CCDC9: variants seen among roughly 807,000 people sequenced by gnomAD.
The protein encoded by CCDC9 is coiled-coil domain containing 9.
In CCDC9, 52 loss-of-function variants were observed where a neutral mutation model predicts 65.6. The ratio of observed to expected loss-of-function variants is 0.79; its 90% CI spans 0.63 to 1.00. The LOEUF (loss-of-function observed/expected upper bound fraction) is 1.00. Ranked by LOEUF, CCDC9 falls within the 50% of genes least tolerant of loss-of-function variation. The pLI, the probability that CCDC9 is intolerant of heterozygous loss-of-function variation, is 0.00. For synonymous variants in CCDC9, 332 were observed against 280.3 expected (o/e 1.18, Z -1.84); for missense variants, 834 against 757.2 (o/e 1.10, Z -1.19).
intron 5 of CCDC9, among the ~76,000 whole-genome samples, chr19:47,263,266 A>G: frequency 6.6e-6 from 1 of 152,134 alleles, no homozygotes; most frequent in East Asian, 1.9e-4. Context: ...GCACCCTGAC[A>G]CTGAACTCGC....
downstream of CCDC9, chr19:47,273,816 A>T: frequency 3.5e-6 from 1 of 287,668 alleles, no homozygotes; most frequent in Non-Finnish European, 5.7e-6. Flanking sequence ...CTGTCGTATT[A>T]AACGCAGTGC....
Position 47,271,538 on chromosome 19 carries a change from C to G in CCDC9, c.1456C>G (p.Pro486Ala). 5.6e-6 allele frequency: 9 copies of G among 1,613,206 alleles called. No homozygotes were observed. Among genetic ancestry groups the G allele is most frequent in the Non-Finnish European group, 7.6e-6 (9 of 1,179,924 alleles). The change falls in exon 12 of 12, where the codon CCT (proline) becomes GCT (alanine). Residue 486 changes from proline (P) to alanine (A), a missense_variant. Transcript: ENST00000221922. Reference sequence around the variant, plus strand: ...GCTGGAGCCCCAGGCCCCTGGCACGCCTTCCAGCCCTTTCTCACCACCCAG... The same window carrying G: ...GCTGGAGCCCCAGGCCCCTGGCACGGCTTCCAGCCCTTTCTCACCACCCAG... ...PLLEPQAPGT[P>A]SSPFSPPSGH...
rs1185419970 is a variant in CCDC9, at chr19:47,264,596, C to A, written c.463-7C>A. On this transcript the variant is annotated splice_polypyrimidine_tract_variant and splice_region_variant and intron_variant, in intron 5 of 11. Coordinates refer to ENST00000221922, the MANE Select transcript of CCDC9 (RefSeq NM_015603.3). ...GAAGCTGGGTGTCCCTATCTTTATCCCCCCAGGAGTGGGAGGAGCGGCGCA... is the reference window on the plus strand; with the variant it reads ...GAAGCTGGGTGTCCCTATCTTTATCACCCCAGGAGTGGGAGGAGCGGCGCA... 1.3e-6 allele frequency: 2 copies of A among 1,588,050 alleles called. No homozygotes were observed. The highest frequency in any genetic ancestry group is 2.3e-5 in the East Asian group (1 of 43,550).
At position 47,264,680 on chromosome 19, in the gene CCDC9, C is replaced by T. The variant is rs763027219; in HGVS notation, c.540C>T (p.Asn180=). The change falls in exon 6 of 12, where the codon AAC becomes AAT. Residue 180 remains asparagine (N), a synonymous_variant. Coordinates refer to ENST00000221922, the MANE Select transcript of CCDC9 (RefSeq NM_015603.3). ...AGAAGATCGCCGAGTATGAGCGCAA[C>T]CAGCGGGTCAGTGGTGCGGGTGTCC... is the stretch of plus-strand genomic sequence containing the variant. ...EMEKIAEYER[N]QREGVLEPNP... is the part of the protein sequence containing the mutation. 6.2e-7 allele frequency: 1 copy of T among 1,605,158 alleles called. No individual in the cohort carries two copies. The highest frequency in any genetic ancestry group is 1.3e-5 in the African/African-American group (1 of 74,918).
At position 47,260,752 on chromosome 19, in the gene CCDC9, T is replaced by G; in HGVS notation, c.375T>G (p.Ala125=). The G allele has an allele frequency of 6.2e-7, 1 of 1,608,236 alleles. No individual in the cohort carries two copies. Among genetic ancestry groups the G allele is most frequent in the South Asian group, 1.1e-5 (1 of 90,592 alleles). Reference sequence around the variant, plus strand: ...GGGAGCAGCCTCGAGGAGGAGGAGCTGGGGGCCGTGGCCGGAGGGGCCGGG... The same window carrying G: ...GGGAGCAGCCTCGAGGAGGAGGAGCGGGGGGCCGTGGCCGGAGGGGCCGGG... ...SPGEQPRGGG[A]GGRGRRGRGR... The change falls in exon 5 of 12, where the codon GCT becomes GCG. Residue 125 remains alanine (A), a synonymous_variant. Coordinates refer to ENST00000221922, the MANE Select transcript of CCDC9 (RefSeq NM_015603.3).
chr19:47,275,635 A>G (rs1281089128), downstream of CCDC9: 1 of 470,438 alleles, frequency 2.1e-6, no homozygotes, highest in South Asian at 3.7e-5. Context: ...CCCACAGCCC[A>G]TCTGCCTCTT....
intron 8 of CCDC9, among the ~76,000 whole-genome samples, chr19:47,269,007 A>T (rs1600288696): frequency 1.3e-5 from 2 of 152,084 alleles, no homozygotes; most frequent in East Asian, 1.9e-4. Context: ...GCACTTTAGG[A>T]GGCCAAGGCT....
At chr19:47,257,094 A>G (rs1030521582) in intron 1 of CCDC9, among the ~76,000 whole-genome samples, 18 of 147,412 alleles carry the variant, frequency 1.2e-4, no homozygotes, top group Admixed American at 6.7e-4. Context: ...GGGTGGAGCC[A>G]GAAAGTTTCG....
At chr19:47,258,233 T>A in intron 1 of CCDC9, 97 bp from the exon 2 acceptor site, 2 of 676,164 alleles carry the variant, frequency 3.0e-6, no homozygotes, top group Non-Finnish European at 5.2e-6. Flanking sequence ...GGGTACAGGG[T>A]TTTTTGTGTA....
chr19:47,269,512 G>A (rs12610847), intron 8 of CCDC9, among the ~76,000 whole-genome samples: 50,778 of 151,822 alleles, frequency 0.33, 8,828 homozygotes, highest in East Asian at 0.6. Flanking sequence ...CACCAAGCCC[G>A]GCTAATTTTT....
At chr19:47,275,256 C>T (rs1281444007), downstream of CCDC9, 14 of 1,535,360 alleles carry the variant, frequency 9.1e-6, no homozygotes, top group African/African-American at 1.4e-5. Context: ...GCCGCTGAGC[C>T]GCCGCCGCCG....
rs749886828 is a variant in CCDC9, at chr19:47,271,726, TGTGTGTGCGCGCGCGCGCGCGCGCGC to T, written c.*50_*75del. On this transcript the variant is annotated 3_prime_UTR_variant, in exon 12 of 12. Coordinates refer to ENST00000221922, the MANE Select transcript of CCDC9 (RefSeq NM_015603.3). ...GTGTGTGTGTGTGTGTGTGTGTGTGTGTGTGTGCGCGCGCGCGCGCGCGCGCGCGCGCGCTAGAGGGGTGTGGCTGG... is the reference window on the plus strand; with the variant it reads ...GTGTGTGTGTGTGTGTGTGTGTGTGTGCGCGCGCTAGAGGGGTGTGGCTGG... The T allele has an allele frequency of 8.1e-4, 919 of 1,139,102 alleles. No homozygotes were observed. The highest frequency in any genetic ancestry group is 1.1e-3 in the East Asian group (33 of 29,330). The allele number at this position is 1,139,102 out of a possible 1,614,324, so 70.6% of individuals were successfully genotyped here.
chr19:47,261,442 C>T (rs954723472), intron 5 of CCDC9, among the ~76,000 whole-genome samples: 8 of 152,162 alleles, frequency 5.3e-5, no homozygotes, highest in African/African-American at 1.9e-4. Flanking sequence ...AGCTGAGTGG[C>T]TTACAGCCCA....
At chr19:47,273,326 C>T (rs1170147427), downstream of CCDC9, 14 of 1,222,634 alleles carry the variant, frequency 1.1e-5, no homozygotes, top group Non-Finnish European at 1.4e-5. Flanking sequence ...AGACTGCTCC[C>T]CTCCGCTGAC....
In CCDC9 at chr19:47,260,666, C is replaced by T; in HGVS notation, c.289C>T (p.Pro97Ser). 6.5e-7 allele frequency: 1 copy of T among 1,536,014 alleles called. No homozygotes were observed. Among genetic ancestry groups the T allele is most frequent in the Non-Finnish European group, 8.7e-7 (1 of 1,149,816 alleles). ...PGASKGGRTP[P>S]QQGGRAGMGR... ...GGCCAGCAAGGGGGGCCGGACTCCT[C>T]CACAGCAGGGAGGCCGGGCCGGCAT... The change falls in exon 5 of 12, where the codon CCA becomes TCA. Residue 97 changes from proline (P) to serine (S), a missense_variant. Transcript: ENST00000221922.
In CCDC9 at chr19:47,271,371, AT is replaced by A; in HGVS notation, c.1290del (p.Asp430GlufsTer79). 1 of 1,613,702 alleles carries A rather than the reference AT, an allele frequency of 6.2e-7. No homozygotes were observed. Among genetic ancestry groups the A allele is most frequent in the East Asian group, 2.2e-5 (1 of 44,870 alleles). On this transcript the variant is annotated frameshift_variant, in exon 12 of 12. Coordinates refer to ENST00000221922, the MANE Select transcript of CCDC9 (RefSeq NM_015603.3). LOFTEE classifies it high-confidence loss of function. ...GAAGAATGGGAGGACATAAGTGAGG[AT>A]GAGGAAGAGGAGGAGATCGAGGTGG... is the stretch of plus-strand genomic sequence containing the variant. ...EDEEWEDISE[D>X]EEEEEIEVEE...
chr19:47,268,958 C>T (rs1226343778), intron 8 of CCDC9, among the ~76,000 whole-genome samples: 3 of 151,588 alleles, frequency 2.0e-5, no homozygotes, highest in African/African-American at 4.9e-5. Context: ...GTGTCTGGGC[C>T]AGGCGTGGTG....
Position 47,271,464 on chromosome 19 carries a change from C to T in CCDC9, c.1382C>T (p.Pro461Leu). 6.2e-7 allele frequency: 1 copy of T among 1,613,782 alleles called. No homozygotes were observed. The highest frequency in any genetic ancestry group is 1.1e-5 in the South Asian group (1 of 91,082). The change falls in exon 12 of 12, where the codon CCC (proline) becomes CTC (leucine). Residue 461 changes from proline (P) to leucine (L), a missense_variant. Transcript: ENST00000221922. ...QAPEAAPTGI[P>L]CSEQAHGVPF... ...CCAGAGGCTGCCCCCACCGGGATCC[C>T]CTGCAGTGAGCAGGCCCACGGAGTC...
chr19:47,275,105 G>A (rs1193087247), downstream of CCDC9: 15 of 1,492,336 alleles, frequency 1.0e-5, no homozygotes, highest in Non-Finnish European at 1.3e-5. Flanking sequence ...GGTCTCCCGC[G>A]GCACCCGCCG....
Sources: allele counts gnomAD v4.1 joint callset (sites outside exome capture counted in the v4.1 genomes callset), GRCh38; gene constraint gnomAD v4.1.1; transcripts MANE v1.5; gene names NCBI Gene and HGNC (gene_info 2026-07-23, HGNC 2026-07-21).